INPP4A: variants seen among roughly 807,000 people sequenced by gnomAD.
INPP4A encodes inositol polyphosphate-4-phosphatase type I A.
In INPP4A, 33 loss-of-function variants were observed where a neutral mutation model predicts 119.8. The ratio of observed to expected loss-of-function variants is 0.28; its 90% CI spans 0.21 to 0.37. INPP4A has a LOEUF of 0.37. Among genes scored for constraint, INPP4A ranks in the 10% least tolerant of loss-of-function variants. INPP4A has a pLI of 1.00. For missense variants in INPP4A, 956 were observed against 1,289.9 expected, an observed-to-expected ratio of 0.74 and a Z score of 3.97; for synonymous variants, 496 against 500.7, an observed-to-expected ratio of 0.99 and a Z score of 0.12.
At chr2:98,473,549 G>C (rs532884866) in intron 1 of INPP4A, among the ~76,000 whole-genome samples, 22 of 152,246 alleles carry the variant, frequency 1.4e-4, no homozygotes, top group Non-Finnish European at 2.5e-4. Context: ...GACACCGTGT[G>C]GTGGGCCACC....
At chr2:98,508,499 C>T (rs1388497782) in intron 1 of INPP4A, among the ~76,000 whole-genome samples, 1 of 152,228 alleles carries the variant, frequency 6.6e-6, no homozygotes, top group Non-Finnish European at 1.5e-5. Flanking sequence ...GCCCAACTCA[C>T]AGGTCACGGG....
intron 24 of INPP4A, among the ~76,000 whole-genome samples, chr2:98,579,181 C>T (rs1266377302): frequency 6.6e-6 from 1 of 151,974 alleles, no homozygotes; most frequent in African/African-American, 2.4e-5. Context: ...TCCTGAGTAG[C>T]TGGGATTACA....
intron 1 of INPP4A, among the ~76,000 whole-genome samples, chr2:98,496,041 T>C (rs1681874637): frequency 6.6e-6 from 1 of 152,246 alleles, no homozygotes; most frequent in Non-Finnish European, 1.5e-5. Context: ...TGGTGTCTTA[T>C]TACTGCAGAG....
chr2:98,536,566 C>T (rs1690308107), intron 7 of INPP4A, among the ~76,000 whole-genome samples: 1 of 152,134 alleles, frequency 6.6e-6, no homozygotes, highest in Non-Finnish European at 1.5e-5. Flanking sequence ...ATTTCCCAGA[C>T]ACCTAGAATG....
chr2:98,589,835 TC>T lies in INPP4A; in HGVS notation c.*2231del. 5.3e-6 allele frequency: 1 copy of T among 190,280 alleles called. No individual in the cohort carries two copies. The highest frequency in any genetic ancestry group is 1.1e-5 in the Non-Finnish European group (1 of 90,744). 11.8% of individuals were successfully genotyped at this position (190,280 alleles called of 1,614,324 possible). On this transcript the variant is annotated 3_prime_UTR_variant, in exon 25 of 25. Coordinates refer to ENST00000409851, the MANE Select transcript of INPP4A (RefSeq NM_001134225.2). ...TCCGTCCAGTGTTCCTTATGATGCCTCCCCATTTAAAAAGAAAAGAGATCTA... is the reference window on the plus strand; with the variant it reads ...TCCGTCCAGTGTTCCTTATGATGCCTCCCATTTAAAAAGAAAAGAGATCTA...
Position 98,465,914 on chromosome 2 carries a change from G to T in INPP4A, c.-166+20829G>T, listed in dbSNP as rs546584410. Among the ~76,000 whole-genome samples the T allele has an allele frequency of 3.2e-3, 484 of 152,204 alleles. 2 individuals are homozygous for T. The highest frequency in any genetic ancestry group is 0.011 in the South Asian group (55 of 4,816). Reference sequence around the variant, plus strand: ...TCTAGCGCCCTCCCCCTTCCTCTCTGGCTGTGTGCCCAGGCTGGCCCTGCC... The same window carrying T: ...TCTAGCGCCCTCCCCCTTCCTCTCTTGCTGTGTGCCCAGGCTGGCCCTGCC... On this transcript the variant is annotated intron_variant, in intron 1 of 24. Transcript: ENST00000409851.
In INPP4A at chr2:98,543,957, C is replaced by G; in HGVS notation, c.899C>G (p.Thr300Ser). The G allele has an allele frequency of 1.3e-6, 2 of 1,594,084 alleles. No individual in the cohort carries two copies. Among genetic ancestry groups the G allele is most frequent in the Non-Finnish European group, 1.7e-6 (2 of 1,169,706 alleles). Residue 300 changes from threonine (T) to serine (S), a missense_variant, in exon 11 of 25, where the codon ACC becomes AGC. Around this residue, in one of 2 missense-constraint regions of INPP4A, gnomAD observed 652 missense variants for 797.9 expected, o/e 0.82. Transcript: ENST00000409851. ...CGCCAAATTGTCACCCAGTACCAGA[C>G]CATCATCCTCACATACCAGGAGAAC... Reference protein sequence around the residue: ...LRRQIVTQYQTIILTYQENLT... With the variant: ...LRRQIVTQYQSIILTYQENLT...
intron 23 of INPP4A, among the ~76,000 whole-genome samples, chr2:98,573,617 C>T (rs1056745076): frequency 5.3e-5 from 8 of 152,280 alleles, no homozygotes; most frequent in African/African-American, 1.4e-4. Context: ...CACCACGCCT[C>T]GTCACAGAGC....
At chr2:98,511,776 C>T (rs776105206) in intron 1 of INPP4A, among the ~76,000 whole-genome samples, 2 of 152,170 alleles carry the variant, frequency 1.3e-5, no homozygotes, top group African/African-American at 2.4e-5. Flanking sequence ...TGCTTCACAG[C>T]GGTTCACCAG....
chr2:98,581,694 T>C, intron 24 of INPP4A: 1 of 1,612,682 alleles, frequency 6.2e-7, no homozygotes, highest in Non-Finnish European at 8.5e-7. Flanking sequence ...GAGCCCCAAT[T>C]TACTGATTGT....
rs1694053135 is a variant in INPP4A at position 98,554,165 on chromosome 2, G to A, written c.1348-106G>A. On this transcript the variant is annotated intron_variant, in intron 14 of 24. Transcript: ENST00000409851. This position sits in a 1 kb window ranked among gnomAD's most constrained non-coding sequence, Gnocchi z 4.7. ...CTTTGCACTGTGGAGAAAGGCAGAGGGGTGCAGTGCTGGGCTTTAAGCCCA... is the reference window on the plus strand; with the variant it reads ...CTTTGCACTGTGGAGAAAGGCAGAGAGGTGCAGTGCTGGGCTTTAAGCCCA... 2.6e-6 allele frequency: 2 copies of A among 783,300 alleles called. No homozygotes were observed. The highest frequency in any genetic ancestry group is 4.1e-6 in the Non-Finnish European group (2 of 490,792). 48.5% of individuals were successfully genotyped at this position (783,300 alleles called of 1,614,324 possible).
Position 98,504,092 on chromosome 2 carries a change from A to G in INPP4A, c.-165-14872A>G, listed in dbSNP as rs545911397. Among the ~76,000 whole-genome samples, 23 of 152,326 alleles carry G rather than the reference A, an allele frequency of 1.5e-4. 1 individual carries two copies. Among genetic ancestry groups the G allele is most frequent in the African/African-American group, 5.3e-4 (22 of 41,578 alleles). On this transcript the variant is annotated intron_variant, in intron 1 of 24. Coordinates refer to ENST00000409851, the MANE Select transcript of INPP4A (RefSeq NM_001134225.2). ...TATTCCAGCCACTGTCAGCTTTGCA[A>G]TAAAGAGCTGTGGTCAGTTCACTGT...
intron 1 of INPP4A, among the ~76,000 whole-genome samples, chr2:98,466,937 T>C (rs1436116891): frequency 6.6e-6 from 1 of 152,222 alleles, no homozygotes; most frequent in Non-Finnish European, 1.5e-5. Context: ...TGTTTTGTGC[T>C]GCTATAAAAG....
intron 1 of INPP4A, among the ~76,000 whole-genome samples, chr2:98,503,659 G>A (rs922706492): frequency 2.6e-5 from 4 of 152,238 alleles, no homozygotes; most frequent in African/African-American, 9.6e-5. Context: ...TTCACTGTAA[G>A]TGCCTAGCTC....
chr2:98,509,506 T>C (rs1684730232), intron 1 of INPP4A, among the ~76,000 whole-genome samples: 1 of 152,160 alleles, frequency 6.6e-6, no homozygotes, highest in Non-Finnish European at 1.5e-5. Flanking sequence ...ACAAAACCAG[T>C]CCCTGGTGTC....
rs1297581505 is a variant in INPP4A at position 98,572,906 on chromosome 2, C to T, written c.2610C>T (p.Asp870=). 6.4e-7 allele frequency: 1 copy of T among 1,573,620 alleles called. No homozygotes were observed. The highest frequency in any genetic ancestry group is 1.4e-5 in the African/African-American group (1 of 73,860). Residue 870 remains aspartate (D), a synonymous_variant, in exon 23 of 25, where the codon GAC becomes GAT. Transcript: ENST00000409851. ...ATGCCCGGAAGAATAAGAACGTCGA[C>T]ATTCTCTGGCAAGCTGCTGAGGTAC... The part of the protein sequence containing the change: ...NVHARKNKNV[D]ILWQAAEICR...
intron 16 of INPP4A, among the ~76,000 whole-genome samples, chr2:98,558,447 G>C: frequency 6.6e-6 from 1 of 152,320 alleles, no homozygotes; most frequent in Non-Finnish European, 1.5e-5. Flanking sequence ...CTGGGTTAAC[G>C]AAGAGGTCGA....
At position 98,546,743 on chromosome 2, in the gene INPP4A, TC is replaced by T; in HGVS notation, c.1163+50del. On this transcript the variant is annotated intron_variant, in intron 13 of 24. Coordinates refer to ENST00000409851, the MANE Select transcript of INPP4A (RefSeq NM_001134225.2). This position sits in a 1 kb window ranked among gnomAD's most constrained non-coding sequence, Gnocchi z 4.2. The stretch of plus-strand genomic sequence containing the variant: ...GGTCCTTGTACAGCTTTCTGATGCT[TC>T]TTTTCTCAGTTTAAAATAAAATCAA... 1 of 1,127,636 alleles carries T rather than the reference TC, an allele frequency of 8.9e-7. No individual in the cohort carries two copies. Among genetic ancestry groups the T allele is most frequent in the Non-Finnish European group, 1.3e-6 (1 of 745,504 alleles). 69.9% of individuals were successfully genotyped at this position (1,127,636 alleles called of 1,614,324 possible).
intron 1 of INPP4A, among the ~76,000 whole-genome samples, 196 bp from the exon 2 acceptor site, chr2:98,518,768 G>C (rs995460266): frequency 2.6e-5 from 4 of 152,306 alleles, no homozygotes; most frequent in Middle Eastern, 3.4e-3. Flanking sequence ...CTGCAGGGGA[G>C]AGGAATATGT....
Sources: gnomAD v4.1 joint callset for allele counts (sites outside exome capture counted in the v4.1 genomes callset) on GRCh38, gnomAD v4.1.1 for gene constraint, gnomAD v4.1.1 regional missense constraint, Gnocchi (gnomAD v3.1) non-coding constraint, MANE v1.5 for transcripts, NCBI Gene and HGNC (gene_info 2026-07-23, HGNC 2026-07-21) for gene names.